The following EMCN variants were observed in gnomAD, a reference collection of about 807,000 sequenced individuals.
EMCN encodes MUC-14.
Under a neutral mutation model 38.4 loss-of-function variants are expected in EMCN, and 37 were observed. The ratio of observed to expected loss-of-function variants is 0.96; its 90% confidence interval spans 0.74 to 1.27. The LOEUF is 1.27. Among genes scored for constraint, EMCN ranks in the 50% most tolerant of loss-of-function variants. The pLI is 0.00. For synonymous variants in EMCN, 95 were observed against 100.8 expected, an observed-to-expected ratio of 0.94 and a Z score of 0.35; for missense variants, 318 against 302.8, an observed-to-expected ratio of 1.05 and a Z score of -0.37.
intron 5 of EMCN, among the ~76,000 whole-genome samples, chr4:100,440,110 A>G (rs1439873863): frequency 2.0e-5 from 3 of 152,150 alleles, no homozygotes; most frequent in Admixed American, 6.5e-5. Flanking sequence ...CCTGCTGTTA[A>G]AGTAAAGCTC....
intron 1 of EMCN, among the ~76,000 whole-genome samples, chr4:100,510,119 C>G (rs1342677294): frequency 6.6e-6 from 1 of 152,146 alleles, no homozygotes; most frequent in East Asian, 1.9e-4. Context: ...TTTCCTTCCA[C>G]TAACATATTC....
intron 7 of EMCN, among the ~76,000 whole-genome samples, chr4:100,422,004 GCCTTCCTT>G (rs560297457): frequency 3.3e-5 from 5 of 151,378 alleles, no homozygotes; most frequent in African/African-American, 1.2e-4. Flanking sequence ...AGTATTGCCT[GCCTTCCTT>G]CCTTCCTTCC....
intron 1 of EMCN, among the ~76,000 whole-genome samples, chr4:100,486,322 G>A (rs1310261357): frequency 6.6e-6 from 1 of 152,030 alleles, no homozygotes; most frequent in Non-Finnish European, 1.5e-5. Flanking sequence ...CCAATAATAG[G>A]AGGTCCAAAA....
intron 11 of EMCN, among the ~76,000 whole-genome samples, chr4:100,402,799 A>G (rs982947764): frequency 4.6e-5 from 7 of 152,146 alleles, no homozygotes; most frequent in Non-Finnish European, 1.0e-4. Context: ...CTTGCCTTCT[A>G]TATACCTTTT....
At chr4:100,484,277 T>G (rs1488707015) in intron 1 of EMCN, among the ~76,000 whole-genome samples, 1 of 152,198 alleles carries the variant, frequency 6.6e-6, no homozygotes, top group Admixed American at 6.5e-5. Context: ...GCTTTGTTTT[T>G]TATCTTTGAG....
chr4:100,464,659 G>A (rs747855956), intron 4 of EMCN, among the ~76,000 whole-genome samples: 11 of 151,914 alleles, frequency 7.2e-5, no homozygotes, highest in Non-Finnish European at 1.0e-4. Flanking sequence ...CTAATATGTT[G>A]TATTACTTTC....
At chr4:100,408,210 C>A (rs1326043200) in intron 11 of EMCN, among the ~76,000 whole-genome samples, 2 of 152,162 alleles carry the variant, frequency 1.3e-5, no homozygotes, top group Non-Finnish European at 2.9e-5. Flanking sequence ...ATTCTGAATT[C>A]TATTTCTGTA....
Position 100,518,010 on chromosome 4 carries a change from G to A in EMCN, c.-96C>T, listed in dbSNP as rs1369765724. The A allele has an allele frequency of 8.1e-7, 1 of 1,236,612 alleles. No individual in the cohort carries two copies. Among genetic ancestry groups the A allele is most frequent in the African/African-American group, 1.5e-5 (1 of 67,448 alleles). 76.6% of individuals were successfully genotyped at this position (1,236,612 alleles called of 1,614,324 possible). A position where few individuals can be genotyped will look rare whatever the true frequency, so the allele number is the denominator to read the frequency against. On this transcript the variant is annotated 5_prime_UTR_variant, in exon 1 of 12. Transcript: ENST00000296420. ...AGGGCCTTATTAGCAAATGGAAAAG[G>A]TGTAGTGAATGTGAATAGCCACTGC...
rs535386853 is a variant in EMCN, at chr4:100,408,904, T to C, written c.*39+1378A>G. Among the ~76,000 whole-genome samples, 100 of 152,300 alleles carry C rather than the reference T, an allele frequency of 6.6e-4. No individual in the cohort carries two copies. In the South Asian group the frequency reaches 0.019, roughly 29 times the overall value. Reference sequence around the variant, plus strand: ...GGAAGGCAGTCTTGCCTCTTTTCCATAGGGCACTGCAGCATGCTGGAGGTG... The same window carrying C: ...GGAAGGCAGTCTTGCCTCTTTTCCACAGGGCACTGCAGCATGCTGGAGGTG... On this transcript the variant is annotated intron_variant, in intron 11 of 11. Coordinates refer to ENST00000296420, the MANE Select transcript of EMCN (RefSeq NM_016242.4).
chr4:100,475,109 C>A lies in EMCN; in HGVS notation c.188G>T (p.Gly63Val). Residue 63 changes from glycine (G) to valine (V), a missense_variant and splice_region_variant, in exon 3 of 12, where the codon GGA (glycine) becomes GTA (valine). Gly to Val is a moderately radical substitution (Grantham distance 109). Coordinates refer to ENST00000296420, the MANE Select transcript of EMCN (RefSeq NM_016242.4). ...TTTAAGTAATTCATTGGTGATTGTT[C>A]CTAGTTTGATAAAATAGATTAAATT... The part of the protein sequence containing the change: ...VTPTTGTTPK[G>V]TITNELLKMS... The A allele has an allele frequency of 4.8e-6, 7 of 1,456,416 alleles. No individual in the cohort carries two copies. Among genetic ancestry groups the A allele is most frequent in the Non-Finnish European group, 5.6e-6 (6 of 1,069,778 alleles). The allele number at this position is 1,456,416 out of a possible 1,614,324, so 90.2% of individuals were successfully genotyped here. A position where few individuals can be genotyped will look rare whatever the true frequency, so the allele number is the denominator to read the frequency against.
At chr4:100,410,251 T>A in intron 11 of EMCN, 31 bp downstream of exon 11, 4 of 1,389,332 alleles carry the variant, frequency 2.9e-6, no homozygotes, top group Non-Finnish European at 4.1e-6. Context: ...ATATTAATGA[T>A]TGTCTCCGTG....
At chr4:100,417,756 A>C (rs1036965992) in intron 8 of EMCN, among the ~76,000 whole-genome samples, 9 of 152,306 alleles carry the variant, frequency 5.9e-5, no homozygotes, top group Admixed American at 4.6e-4. Context: ...GTTTAGAGTG[A>C]GAACTCAGAA....
At chr4:100,499,646 C>G (rs1021160782) in intron 1 of EMCN, among the ~76,000 whole-genome samples, 1 of 152,150 alleles carries the variant, frequency 6.6e-6, no homozygotes. Flanking sequence ...AAGACAGCCT[C>G]GTGACAAACC....
At chr4:100,510,503 T>A (rs970722159) in intron 1 of EMCN, among the ~76,000 whole-genome samples, 9 of 152,310 alleles carry the variant, frequency 5.9e-5, no homozygotes, top group African/African-American at 2.2e-4. Flanking sequence ...AAATAAAATA[T>A]TTCATCTACG....
In EMCN at chr4:100,509,866, C is replaced by G. The variant is rs567437181; in HGVS notation, c.64+7985G>C. Among the ~76,000 whole-genome samples the G allele has an allele frequency of 7.2e-5, 11 of 152,148 alleles. No individual in the cohort carries two copies. The South Asian group carries it at 2.3e-3, about 32-fold the overall frequency. On this transcript the variant is annotated intron_variant, in intron 1 of 11. Transcript: ENST00000296420. ...ATTTATGGAACGGTTTCCTATTTCT[C>G]TCTTGATTCTGTGAGTTAATGTTAA...
intron 3 of EMCN, among the ~76,000 whole-genome samples, chr4:100,471,846 A>G (rs1728489149): frequency 6.6e-6 from 1 of 152,062 alleles, no homozygotes; most frequent in Non-Finnish European, 1.5e-5. Flanking sequence ...TAATCTCAAT[A>G]TAATAAGACA....
chr4:100,482,318 G>A (rs1728830707), intron 1 of EMCN, among the ~76,000 whole-genome samples: 1 of 152,028 alleles, frequency 6.6e-6, no homozygotes, highest in Non-Finnish European at 1.5e-5. Flanking sequence ...TGTGTTGTGT[G>A]TAAGTCTGCA....
At chr4:100,490,379 A>G in intron 1 of EMCN, among the ~76,000 whole-genome samples, 1 of 152,262 alleles carries the variant, frequency 6.6e-6, no homozygotes, top group East Asian at 1.9e-4. Flanking sequence ...ATAGAAAAAA[A>G]TATTTTTTAT....
At chr4:100,497,543 A>T (rs1729241399) in intron 1 of EMCN, among the ~76,000 whole-genome samples, 1 of 151,920 alleles carries the variant, frequency 6.6e-6, no homozygotes, top group Admixed American at 6.6e-5. Context: ...CGCCTGGCTA[A>T]TTTTTTTGTA....
Sources: allele counts gnomAD v4.1 joint callset (sites outside exome capture counted in the v4.1 genomes callset), GRCh38; gene constraint gnomAD v4.1.1; transcripts MANE v1.5; gene names NCBI Gene and HGNC (gene_info 2026-07-23, HGNC 2026-07-21).